The following ATP10A variants were observed in gnomAD, a reference collection of about 807,000 sequenced individuals.
ATP10A encodes the protein phospholipid-transporting ATPase VA.
In ATP10A, 111 loss-of-function variants were observed where a neutral mutation model predicts 147.8. The ratio of observed to expected loss-of-function variants is 0.75; its 90% CI spans 0.64 to 0.88. ATP10A has a LOEUF of 0.88. ATP10A is among the 40% of genes least tolerant of loss of function. The pLI is 0.00. For missense variants in ATP10A, 1,927 were observed against 1,959.0 expected (o/e 0.98, Z 0.31); for synonymous variants, 875 against 841.6 (o/e 1.04, Z -0.69).
At chr15:25,799,971 G>A (rs1890859592) in intron 1 of ATP10A, among the ~76,000 whole-genome samples, 1 of 152,132 alleles carries the variant, frequency 6.6e-6, no homozygotes, top group African/African-American at 2.4e-5. Context: ...AATTATTGAT[G>A]GATACCTCCA....
rs770816049 is a variant in ATP10A, at chr15:25,721,841, G to A, written c.1179C>T (p.Asn393=). The A allele has an allele frequency of 1.2e-6, 2 of 1,613,958 alleles. No homozygotes were observed. Among genetic ancestry groups the A allele is most frequent in the Admixed American group, 3.3e-5 (2 of 60,002 alleles). ...CTTCGTCATACAACTGCATGTCCTG[G>A]TTAATGAAGTACACTTGGCATGCTT... ...IVKACQVYFI[N]QDMQLYDEET... Residue 393 remains asparagine (N), a synonymous_variant, in exon 7 of 21, where the codon AAC becomes AAT. Coordinates refer to ENST00000555815, the MANE Select transcript of ATP10A (RefSeq NM_024490.4).
chr15:25,773,185 C>T (rs1306508115), intron 2 of ATP10A, among the ~76,000 whole-genome samples: 1 of 152,144 alleles, frequency 6.6e-6, no homozygotes, highest in African/African-American at 2.4e-5. Context: ...ATCTCTGCTG[C>T]TGTAGACGGG....
intron 12 of ATP10A, among the ~76,000 whole-genome samples, chr15:25,704,021 G>A (rs985951123): frequency 3.3e-5 from 5 of 152,212 alleles, no homozygotes; most frequent in Non-Finnish European, 5.9e-5. Context: ...TGTGCTCCCC[G>A]TGAGCACATC....
chr15:25,840,521 T>G (rs1034674804), intron 1 of ATP10A, among the ~76,000 whole-genome samples: 1 of 152,182 alleles, frequency 6.6e-6, no homozygotes, highest in African/African-American at 2.4e-5. Context: ...TTCCACCGTA[T>G]GGAGGGATCA....
intron 16 of ATP10A, chr15:25,683,944 TC>T (rs1197524851): frequency 5.9e-6 from 1 of 168,692 alleles, no homozygotes; most frequent in Admixed American, 5.8e-5. Flanking sequence ...TCCTGTCTCT[TC>T]TTTAGTGACC....
At chr15:25,842,004 G>T (rs1017009708) in intron 1 of ATP10A, among the ~76,000 whole-genome samples, 1 of 152,186 alleles carries the variant, frequency 6.6e-6, no homozygotes, top group African/African-American at 2.4e-5. Context: ...ATTGGTTGTA[G>T]GTTTTTTGTA....
intron 1 of ATP10A, among the ~76,000 whole-genome samples, chr15:25,852,029 A>ACCTG (rs372307984): frequency 6.6e-6 from 1 of 152,108 alleles, no homozygotes; most frequent in African/African-American, 2.4e-5. Flanking sequence ...TCAAATTCTT[A>ACCTG]CCTGCCTGCC....
chr15:25,751,450 A>T (rs1189238780), intron 2 of ATP10A, among the ~76,000 whole-genome samples: 2 of 152,126 alleles, frequency 1.3e-5, no homozygotes, highest in African/African-American at 4.8e-5. Context: ...CCACCTAAAA[A>T]CAGCAGAATG....
rs887880396 is a variant in ATP10A at position 25,863,083 on chromosome 15, G to A, written c.14C>T (p.Pro5Leu). The change falls in exon 1 of 21, where the codon CCG becomes CTG. Residue 5 changes from proline (P) to leucine (L), a missense_variant. Physicochemically the swap from Pro to Leu is moderately conservative, Grantham distance 98 (BLOSUM62 -3). Transcript: ENST00000555815. MERE[P>L]AGTEEPGPPG... ...AGGCCCGGGCTCCTCGGTCCCCGCC[G>A]GCTCCCGCTCCATGGCCGCGTGTCG... 8 of 1,207,178 alleles carry A rather than the reference G, an allele frequency of 6.6e-6. 1 individual carries two copies. The South Asian group carries it at 1.5e-4, about 23-fold the overall frequency. 74.8% of individuals were successfully genotyped at this position (1,207,178 alleles called of 1,614,324 possible).
intron 1 of ATP10A, among the ~76,000 whole-genome samples, chr15:25,852,159 A>G (rs1893324858): frequency 1.3e-5 from 2 of 151,678 alleles, no homozygotes; most frequent in African/African-American, 4.8e-5. Flanking sequence ...CTCCTATTGA[A>G]TGCCACCCTC....
At chr15:25,859,441 C>T (rs529801953) in intron 1 of ATP10A, among the ~76,000 whole-genome samples, 49 of 152,296 alleles carry the variant, frequency 3.2e-4, no homozygotes, top group African/African-American at 1.1e-3. Context: ...GATGGCTTCT[C>T]TGAACAGCCT....
At position 25,687,763 on chromosome 15, in the gene ATP10A, G is replaced by A. The variant is rs115227702; in HGVS notation, c.3231C>T (p.His1077=). 4.0e-5 allele frequency: 65 copies of A among 1,613,476 alleles called. 1 individual carries two copies. In the Middle Eastern group the frequency reaches 5.0e-4, roughly 12 times the overall value. The stretch of plus-strand genomic sequence containing the variant: ...CAAGTCGGGAGTAGCACCAATGCCC[G>A]TGAAGAATCAAGAGCCTCTCCAGGT... The part of the protein sequence containing the change: ...FRYLERLLIL[H]GHWCYSRLAN... The change falls in exon 16 of 21, where the codon CAC becomes CAT. Residue 1077 remains histidine (H), a synonymous_variant. Coordinates refer to ENST00000555815, the MANE Select transcript of ATP10A (RefSeq NM_024490.4).
chr15:25,793,468 C>T (rs138330352), intron 1 of ATP10A, among the ~76,000 whole-genome samples: 40 of 152,320 alleles, frequency 2.6e-4, no homozygotes, highest in Non-Finnish European at 5.1e-4. Context: ...AGACCACCTT[C>T]CCCACTTCCC....
intron 12 of ATP10A, among the ~76,000 whole-genome samples, chr15:25,707,160 T>C (rs978363304): frequency 3.9e-5 from 6 of 152,206 alleles, no homozygotes; most frequent in Non-Finnish European, 4.4e-5. Context: ...TGCTATTAAA[T>C]GCAAACCTTA....
chr15:25,698,024 G>A (rs1900442761), intron 13 of ATP10A, among the ~76,000 whole-genome samples: 1 of 152,202 alleles, frequency 6.6e-6, no homozygotes, highest in South Asian at 2.1e-4. Context: ...GTTTACCGAA[G>A]TGTCACAGCC....
chr15:25,713,409 A>G (rs1901559991), intron 10 of ATP10A, among the ~76,000 whole-genome samples: 1 of 152,112 alleles, frequency 6.6e-6, no homozygotes, highest in Non-Finnish European at 1.5e-5. Context: ...TCAAATTTAA[A>G]ACGTGACACT....
intron 4 of ATP10A, among the ~76,000 whole-genome samples, chr15:25,726,565 C>A: frequency 6.6e-6 from 1 of 151,820 alleles, no homozygotes; most frequent in Admixed American, 6.5e-5. Flanking sequence ...CCTCGGCCTC[C>A]CTAGTAGCTG....
chr15:25,681,210 T>C, intron 17 of ATP10A, 136 bp from the exon 18 acceptor site: 1 of 801,656 alleles, frequency 1.2e-6, no homozygotes, highest in Non-Finnish European at 2.0e-6. Context: ...GGAGTAGAGC[T>C]GGGAAAGGCC....
rs141246165 is a variant in ATP10A, at chr15:25,753,228, A to G, written c.655-17087T>C. Reference sequence around the variant, plus strand: ...CCTGTCTGAGATTTTGCTCCCTTTGACCATCATCTATCTTCCTATCTCCCC... The same window carrying G: ...CCTGTCTGAGATTTTGCTCCCTTTGGCCATCATCTATCTTCCTATCTCCCC... On this transcript the variant is annotated intron_variant, in intron 2 of 20. Coordinates refer to ENST00000555815, the MANE Select transcript of ATP10A (RefSeq NM_024490.4). Among the ~76,000 whole-genome samples, 481 of 152,208 alleles carry G rather than the reference A, an allele frequency of 3.2e-3. 3 individuals carry two copies. The highest frequency in any genetic ancestry group is 0.011 in the African/African-American group (462 of 41,534).
Sources: allele counts gnomAD v4.1 joint callset (sites outside exome capture counted in the v4.1 genomes callset), GRCh38; gene constraint gnomAD v4.1.1; transcripts MANE v1.5; gene names NCBI Gene and HGNC (gene_info 2026-07-23, HGNC 2026-07-21).